KLHL1: variants seen among roughly 807,000 people sequenced by gnomAD.
KLHL1 encodes the protein kelch like family member 1, also known as kelch-like protein 1.
Under a neutral mutation model 77.7 loss-of-function variants are expected in KLHL1, and 47 were observed. The ratio of observed to expected loss-of-function variants is 0.60; its 90% CI spans 0.48 to 0.77. KLHL1 has a LOEUF of 0.77. KLHL1 is among the 30% of genes least tolerant of loss of function. The pLI is 0.00. For synonymous variants in KLHL1, 360 were observed against 325.2 expected (o/e 1.11, Z -1.15); for missense variants, 925 against 910.8 (o/e 1.02, Z -0.20).
chr13:69,851,950 T>G (rs1879707175), intron 5 of KLHL1, among the ~76,000 whole-genome samples: 1 of 152,038 alleles, frequency 6.6e-6, no homozygotes, highest in Admixed American at 6.6e-5. Flanking sequence ...TACTTGAAAT[T>G]GATGAACTGT....
At chr13:70,039,678 C>T (rs116281201) in intron 1 of KLHL1, among the ~76,000 whole-genome samples, 3,924 of 118,980 alleles carry the variant, frequency 0.033, 89 homozygotes, top group African/African-American at 0.072. Context: ...TTTACTTTGT[C>T]GCCCAGGCTA....
intron 4 of KLHL1, among the ~76,000 whole-genome samples, chr13:69,924,526 C>T (rs960016692): frequency 5.9e-5 from 9 of 152,130 alleles, no homozygotes; most frequent in African/African-American, 2.2e-4. Flanking sequence ...TGAAGCTACC[C>T]ACAGAAAGTC....
At chr13:69,896,204 T>C (rs942969583) in intron 4 of KLHL1, among the ~76,000 whole-genome samples, 4 of 152,160 alleles carry the variant, frequency 2.6e-5, no homozygotes, top group African/African-American at 9.7e-5. Context: ...CTTCTCATGA[T>C]TGGAATCTCT....
chr13:69,827,502 C>A (rs1463163445), intron 6 of KLHL1, among the ~76,000 whole-genome samples: 1 of 151,872 alleles, frequency 6.6e-6, no homozygotes, highest in African/African-American at 2.4e-5. Flanking sequence ...GAAGCCAAGG[C>A]GGGTGGATCA....
chr13:69,895,401 G>A (rs758843907), intron 4 of KLHL1, among the ~76,000 whole-genome samples: 26 of 152,060 alleles, frequency 1.7e-4, no homozygotes, highest in African/African-American at 5.3e-4. Flanking sequence ...GTCATGGTGC[G>A]TCTCTCACAG....
intron 7 of KLHL1, among the ~76,000 whole-genome samples, chr13:69,768,468 C>T (rs531420252): frequency 2.0e-5 from 3 of 152,138 alleles, no homozygotes; most frequent in African/African-American, 7.2e-5. Context: ...ATCAGGGAAA[C>T]TTAAGCCTAG....
At chr13:70,057,948 C>A (rs1252241049) in intron 1 of KLHL1, among the ~76,000 whole-genome samples, 1 of 152,060 alleles carries the variant, frequency 6.6e-6, no homozygotes, top group African/African-American at 2.4e-5. Context: ...TTTATCCCAA[C>A]ATGTACAAAT....
chr13:70,062,900 AT>A (rs35807908), intron 1 of KLHL1, among the ~76,000 whole-genome samples: 1 of 152,094 alleles, frequency 6.6e-6, no homozygotes, highest in African/African-American at 2.4e-5. Flanking sequence ...TTTTCAGTCA[AT>A]TTTTTTCATG....
chr13:70,039,056 A>AT (rs35184766), intron 1 of KLHL1, among the ~76,000 whole-genome samples: 2,263 of 124,650 alleles, frequency 0.018, 67 homozygotes, highest in East Asian at 0.099. Flanking sequence ...TCCTTTGCAC[A>AT]TTTTTTTTTT....
At chr13:69,976,609 T>G (rs1884551824) in intron 1 of KLHL1, among the ~76,000 whole-genome samples, 1 of 152,020 alleles carries the variant, frequency 6.6e-6, no homozygotes, top group Non-Finnish European at 1.5e-5. Flanking sequence ...TGACAATTGC[T>G]TAAATAACCT....
intron 1 of KLHL1, among the ~76,000 whole-genome samples, chr13:70,047,436 T>C (rs918109687): frequency 3.3e-5 from 5 of 151,926 alleles, no homozygotes; most frequent in Non-Finnish European, 5.9e-5. Flanking sequence ...TATAAATATA[T>C]AACTGTATAG....
At chr13:69,850,898 G>A (rs1383950880) in intron 5 of KLHL1, among the ~76,000 whole-genome samples, 1 of 151,488 alleles carries the variant, frequency 6.6e-6, no homozygotes, top group Admixed American at 6.6e-5. Flanking sequence ...TCTTTAATGT[G>A]GCTTTTTTCT....
intron 1 of KLHL1, among the ~76,000 whole-genome samples, chr13:69,989,998 C>G (rs1028874764): frequency 2.0e-5 from 3 of 151,768 alleles, no homozygotes; most frequent in Non-Finnish European, 4.4e-5. Context: ...ACCCTACAAG[C>G]CAGAGGAGAT....
At chr13:70,053,316 G>A (rs1343667153) in intron 1 of KLHL1, among the ~76,000 whole-genome samples, 1 of 152,054 alleles carries the variant, frequency 6.6e-6, no homozygotes, top group African/African-American at 2.4e-5. Context: ...AGATGTGAAA[G>A]ATAAGTTAGG....
intron 4 of KLHL1, among the ~76,000 whole-genome samples, chr13:69,938,309 C>T (rs1162030896): frequency 6.6e-6 from 1 of 151,980 alleles, no homozygotes; most frequent in African/African-American, 2.4e-5. Context: ...TAAATTTCAG[C>T]AGATATTATA....
intron 1 of KLHL1, among the ~76,000 whole-genome samples, chr13:69,985,940 T>C (rs1884857486): frequency 6.7e-6 from 1 of 149,086 alleles, no homozygotes; most frequent in Admixed American, 6.7e-5. Context: ...ATATGTATTA[T>C]TTAAAGTAAT....
intron 9 of KLHL1, among the ~76,000 whole-genome samples, chr13:69,713,436 A>C (rs186250166): frequency 2.6e-5 from 4 of 152,258 alleles, no homozygotes; most frequent in Admixed American, 2.6e-4. Context: ...TTATCAAATT[A>C]ACAACATTAA....
intron 7 of KLHL1, among the ~76,000 whole-genome samples, chr13:69,744,660 C>G (rs938766370): frequency 1.3e-5 from 2 of 151,160 alleles, no homozygotes; most frequent in Admixed American, 6.6e-5. Flanking sequence ...AAAGGTACAC[C>G]CCCCCCAAAA....
chr13:70,035,240 G>A (rs1473922815), intron 1 of KLHL1, among the ~76,000 whole-genome samples: 1 of 151,986 alleles, frequency 6.6e-6, no homozygotes, highest in African/African-American at 2.4e-5. Flanking sequence ...ACACAGTGGA[G>A]TACTATTCAG....
Sources: allele counts gnomAD v4.1 joint callset (sites outside exome capture counted in the v4.1 genomes callset), GRCh38; gene constraint gnomAD v4.1.1; transcripts MANE v1.5; gene names NCBI Gene and HGNC (gene_info 2026-07-23, HGNC 2026-07-21).